PLEKHH1: variants seen among roughly 807,000 people sequenced by gnomAD.
PLEKHH1 encodes the protein pleckstrin homology, MyTH4 and FERM domain containing H1.
In PLEKHH1, 104 loss-of-function variants were observed where a neutral mutation model predicts 160.0. The observed-to-expected ratio is 0.65, with a 90% CI of 0.55 to 0.76. PLEKHH1 has a LOEUF of 0.76. PLEKHH1 is among the 30% of genes least tolerant of loss of function. The pLI, the probability that PLEKHH1 is intolerant of heterozygous loss-of-function variation, is 0.00. For synonymous variants in PLEKHH1, 619 were observed against 678.4 expected (o/e 0.91, Z 1.36); for missense variants, 1,427 against 1,724.1 (o/e 0.83, Z 3.05).
chr14:67,587,507 G>A lies in PLEKHH1; in HGVS notation c.*272G>A. ...CAGATGCTACCTGATTCTAGACATA[G>A]ACAGGGATGATCCACTGTTACTGAG... is the stretch of plus-strand genomic sequence containing the variant. On this transcript the variant is annotated 3_prime_UTR_variant, in exon 29 of 29. Transcript: ENST00000329153. 1 of 471,232 alleles carries A rather than the reference G, an allele frequency of 2.1e-6. No individual in the cohort carries two copies. The highest frequency in any genetic ancestry group is 3.9e-6 in the Non-Finnish European group (1 of 257,616). 29.2% of individuals were successfully genotyped at this position (471,232 alleles called of 1,614,324 possible).
chr14:67,575,937 T>A lies in PLEKHH1; in HGVS notation c.2284T>A (p.Cys762Ser), dbSNP rs1181413144. ...AACCAGACGGTTGCTTTCCTCCCAC[T>A]GCACCCTGGTGATCCACCCCACAGA... ...GGTRRLLSSH[C>S]TLVIHPTEHS... is the part of the protein sequence containing the mutation. The change falls in exon 16 of 29, where the codon TGC becomes AGC. Residue 762 changes from cysteine to serine, a missense_variant. Cys to Ser is a moderately radical substitution (Grantham distance 112). Transcript: ENST00000329153. The A allele has an allele frequency of 6.2e-7, 1 of 1,613,946 alleles. No homozygotes were observed. The highest frequency in any genetic ancestry group is 8.5e-7 in the Non-Finnish European group (1 of 1,179,846).
At position 67,573,786 on chromosome 14, in the gene PLEKHH1, A is replaced by T. The variant is rs1487868261; in HGVS notation, c.1840-15A>T. On this transcript the variant is annotated splice_polypyrimidine_tract_variant and intron_variant, in intron 12 of 28. Coordinates refer to ENST00000329153, the MANE Select transcript of PLEKHH1 (RefSeq NM_020715.3). The surrounding 1 kb of genome is among the most constrained non-coding windows in gnomAD (Gnocchi z 4.8). ...CCACATTCAGTGGCTCTCCTCTCCA[A>T]TACTTTCTTTACAGAGTGATGTCAT... The T allele has an allele frequency of 3.2e-6, 5 of 1,580,406 alleles. No individual in the cohort carries two copies. The highest frequency in any genetic ancestry group is 2.7e-5 in the African/African-American group (2 of 74,302).
chr14:67,552,781 AAAAC>A (rs2034448633), intron 2 of PLEKHH1, among the ~76,000 whole-genome samples: 1 of 150,150 alleles, frequency 6.7e-6, no homozygotes, highest in Non-Finnish European at 1.5e-5. Context: ...AAAAAAAACA[AAAAC>A]AAAAAGAAGG....
intron 7 of PLEKHH1, among the ~76,000 whole-genome samples, chr14:67,568,541 A>G (rs568006896): frequency 2.0e-4 from 30 of 152,266 alleles, no homozygotes; most frequent in Middle Eastern, 3.4e-3. Flanking sequence ...GACCACCATG[A>G]CACACGTTTA....
rs748755316 is a variant in PLEKHH1 at position 67,579,219 on chromosome 14, C to T, written c.2935C>T (p.Arg979Cys). Residue 979 changes from arginine to cysteine, a missense_variant, in exon 21 of 29, where the codon CGC (arginine) becomes TGC (cysteine). By Grantham distance (180) the Arg-to-Cys change is radical. Coordinates refer to ENST00000329153, the MANE Select transcript of PLEKHH1 (RefSeq NM_020715.3). ...RTGEREARPS[R>C]MEVVSILLRN... ...CGGGGAGCGGGAAGCCAGGCCATCG[C>T]GCATGGAAGTGGTGTCCATCCTGCT... 18 of 1,611,114 alleles carry T rather than the reference C, an allele frequency of 1.1e-5. No individual in the cohort carries two copies. In the East Asian group the frequency reaches 1.8e-4, roughly 16 times the overall value.
At chr14:67,542,731 G>A (rs192593828) in intron 2 of PLEKHH1, among the ~76,000 whole-genome samples, 299 of 151,082 alleles carry the variant, frequency 2.0e-3, no homozygotes, top group African/African-American at 6.8e-3. Context: ...ATGGAGTTTC[G>A]CTCTTGTTGC....
At chr14:67,572,423 G>A in intron 11 of PLEKHH1, 146 bp downstream of exon 11, 1 of 645,702 alleles carries the variant, frequency 1.5e-6, no homozygotes, top group Admixed American at 2.9e-5. Flanking sequence ...GGGCTGGGGG[G>A]GTGTACAGTT....
intron 15 of PLEKHH1, 82 bp from the exon 16 acceptor site, chr14:67,575,741 T>G: frequency 1.9e-6 from 2 of 1,040,844 alleles, no homozygotes; most frequent in Admixed American, 2.2e-5. Context: ...ATTCCCAGCT[T>G]CACGGAGCCT....
chr14:67,562,871 C>A lies in PLEKHH1; in HGVS notation c.1240C>A (p.Pro414Thr). 1 of 1,612,912 alleles carries A rather than the reference C, an allele frequency of 6.2e-7. No homozygotes were observed. ...GCTGGGTAACAAGCCACCTACACCCCCGCTGCACCAGTTTTCATCCTGGGT... is the reference window on the plus strand; with the variant it reads ...GCTGGGTAACAAGCCACCTACACCCACGCTGCACCAGTTTTCATCCTGGGT... ...VELGNKPPTP[P>T]LHQFSSWESR... The change falls in exon 7 of 29, where the codon CCG becomes ACG. Residue 414 changes from proline (P) to threonine (T), a missense_variant. By Grantham distance (38) the Pro-to-Thr change is conservative. Around this residue, in one of 6 missense-constraint regions of PLEKHH1, gnomAD observed 831 missense variants for 929.2 expected, o/e 0.89. Coordinates refer to ENST00000329153, the MANE Select transcript of PLEKHH1 (RefSeq NM_020715.3).
intron 1 of PLEKHH1, among the ~76,000 whole-genome samples, chr14:67,535,370 CTTTTTTTTTTTT>C (rs71129833): frequency 1.3e-5 from 1 of 74,192 alleles, no homozygotes; most frequent in Non-Finnish European, 2.4e-5. Flanking sequence ...GTGAGCACAT[CTTTTTTTTTTTT>C]TTTTTTTTTT....
intron 22 of PLEKHH1, chr14:67,580,399 T>C (rs566320037): frequency 1.2e-5 from 2 of 167,028 alleles, no homozygotes; most frequent in African/African-American, 4.8e-5. Context: ...TGGTCTGGGA[T>C]TACTGTCCTG....
Position 67,589,498 on chromosome 14 carries a change from TTGTTTGTCAATAAAAAGCAGCTATC to T in PLEKHH1, c.*2267_*2291del. ...ACACCATGACTGAAATACTATGATCTTGTTTGTCAATAAAAAGCAGCTATCTGTGAACCAGGTAACTGTGTGTTTT... is the reference window on the plus strand; with the variant it reads ...ACACCATGACTGAAATACTATGATCTTGTGAACCAGGTAACTGTGTGTTTT... On this transcript the variant is annotated 3_prime_UTR_variant, in exon 29 of 29. Coordinates refer to ENST00000329153, the MANE Select transcript of PLEKHH1 (RefSeq NM_020715.3). 1 of 985,148 alleles carries T rather than the reference TTGTTTGTCAATAAAAAGCAGCTATC, an allele frequency of 1.0e-6. No homozygotes were observed. The highest frequency in any genetic ancestry group is 1.2e-6 in the Non-Finnish European group (1 of 829,670). The allele number at this position is 985,148 out of a possible 1,614,324, so 61.0% of individuals were successfully genotyped here.
chr14:67,580,916 TTTC>T lies in PLEKHH1; in HGVS notation c.3184-16_3184-14del. The T allele has an allele frequency of 6.5e-7, 1 of 1,535,440 alleles. No homozygotes were observed. Among genetic ancestry groups the T allele is most frequent in the Non-Finnish European group, 9.0e-7 (1 of 1,108,272 alleles). On this transcript the variant is annotated intron_variant, in intron 22 of 28. Transcript: ENST00000329153. ...TCTCCTTATCAGGAAATTTTCTGAC[TTTC>T]TTCTTTTGCCTTTTCAAGATCTGTG...
chr14:67,589,601 A>G lies in PLEKHH1; in HGVS notation c.*2366A>G. 1.0e-6 allele frequency: 1 copy of G among 986,202 alleles called. No individual in the cohort carries two copies. The highest frequency in any genetic ancestry group is 1.2e-6 in the Non-Finnish European group (1 of 830,336). The allele number at this position is 986,202 out of a possible 1,614,324, so 61.1% of individuals were successfully genotyped here. A position where few individuals can be genotyped will look rare whatever the true frequency, so the allele number is the denominator to read the frequency against. On this transcript the variant is annotated 3_prime_UTR_variant, in exon 29 of 29. Coordinates refer to ENST00000329153, the MANE Select transcript of PLEKHH1 (RefSeq NM_020715.3). ...AATAAGCCCTGTACAGAACACAGGC[A>G]CTAGGTTGACAGACTCGTCTTTTGT...
At chr14:67,533,896 A>G (rs1033511217) in intron 1 of PLEKHH1, among the ~76,000 whole-genome samples, 1 of 152,150 alleles carries the variant, frequency 6.6e-6, no homozygotes, top group African/African-American at 2.4e-5. Context: ...ATTGTGTCCT[A>G]GGAGTCTTAG....
rs2035573776 is a variant in PLEKHH1 at position 67,575,332 on chromosome 14, C to A, written c.2089-60C>A. 5 of 1,025,350 alleles carry A rather than the reference C, an allele frequency of 4.9e-6. No homozygotes were observed. In the African/African-American group the frequency reaches 6.4e-5, roughly 13 times the overall value. 63.5% of individuals were successfully genotyped at this position (1,025,350 alleles called of 1,614,324 possible). On this transcript the variant is annotated intron_variant, in intron 14 of 28. Coordinates refer to ENST00000329153, the MANE Select transcript of PLEKHH1 (RefSeq NM_020715.3). Reference sequence around the variant, plus strand: ...CTCCCTGTGGCTTCTATTTGCCAGTCCTGGATTTACTTCTAGAGTTACCTA... The same window carrying A: ...CTCCCTGTGGCTTCTATTTGCCAGTACTGGATTTACTTCTAGAGTTACCTA...
At chr14:67,583,699 C>T (rs754534421) in intron 24 of PLEKHH1, 42 bp from the exon 25 acceptor site, 15 of 1,553,824 alleles carry the variant, frequency 9.7e-6, no homozygotes, top group Non-Finnish European at 1.3e-5. Context: ...GGCCCATCCA[C>T]TGTCAGATTT....
At chr14:67,546,874 A>G (rs1468205051) in intron 2 of PLEKHH1, among the ~76,000 whole-genome samples, 2 of 152,034 alleles carry the variant, frequency 1.3e-5, no homozygotes, top group African/African-American at 2.4e-5. Flanking sequence ...AAGGATATAT[A>G]TATATTTTTT....
At chr14:67,560,345 T>C (rs2140411055) in intron 5 of PLEKHH1, among the ~76,000 whole-genome samples, 1 of 152,328 alleles carries the variant, frequency 6.6e-6, no homozygotes. Context: ...TTCCATCCTC[T>C]TCATTCTTTT....
Sources: gnomAD v4.1 joint callset for allele counts (sites outside exome capture counted in the v4.1 genomes callset) on GRCh38, gnomAD v4.1.1 for gene constraint, gnomAD v4.1.1 regional missense constraint, Gnocchi (gnomAD v3.1) non-coding constraint, MANE v1.5 for transcripts, NCBI Gene and HGNC (gene_info 2026-07-23, HGNC 2026-07-21) for gene names.